The following MYLK4 variants were observed in gnomAD, a reference collection of about 807,000 sequenced individuals.
MYLK4 encodes caMLCK like.
Under a neutral mutation model 48.1 loss-of-function variants are expected in MYLK4, and 46 were observed. The ratio of observed to expected loss-of-function variants is 0.96; its 90% CI spans 0.75 to 1.22. The LOEUF is 1.22. Among genes scored for constraint, MYLK4 ranks in the 50% most tolerant of loss-of-function variants. The pLI, the probability that MYLK4 is intolerant of heterozygous loss-of-function variation, is 0.00. For synonymous variants in MYLK4, 170 were observed against 180.8 expected, an observed-to-expected ratio of 0.94 and a Z score of 0.48; for missense variants, 451 against 486.1, an observed-to-expected ratio of 0.93 and a Z score of 0.68.
the MYLK4 span, chr6:2,765,949 G>A: frequency 4.9e-6 from 7 of 1,438,112 alleles, no homozygotes; most frequent in Non-Finnish European, 6.4e-6. Context: ...AGAGCCGCGA[G>A]AGCTACGACG....
chr6:2,674,342 G>T (rs1247068478), intron 11 of MYLK4, among the ~76,000 whole-genome samples: 1 of 152,116 alleles, frequency 6.6e-6, no homozygotes, highest in African/African-American at 2.4e-5. Flanking sequence ...AGCCAGGTGA[G>T]CACAGAATTT....
At position 2,685,383 on chromosome 6, in the gene MYLK4, C is replaced by T; in HGVS notation, c.458G>A (p.Ser153Asn). ...CGCGTGGTCCAGCTGGTTCATGACG[C>T]TGATCTCGTTCTTCACCTCCTCCTG... ...KDKEEVKNEISVMNQLDHANL... is the reference protein window; with the variant it reads ...KDKEEVKNEINVMNQLDHANL... Residue 153 changes from serine (S) to asparagine (N), a missense_variant, in exon 6 of 13, where the codon AGC (serine) becomes AAC (asparagine). Coordinates refer to ENST00000274643, the MANE Select transcript of MYLK4 (RefSeq NM_001012418.5). The surrounding 1 kb of genome is among the most constrained non-coding windows in gnomAD (Gnocchi z 4.5). 6.3e-7 allele frequency: 1 copy of T among 1,595,936 alleles called. No homozygotes were observed. Among genetic ancestry groups the T allele is most frequent in the Non-Finnish European group, 8.6e-7 (1 of 1,168,542 alleles).
At chr6:2,679,560 G>C in intron 8 of MYLK4, 152 bp from the exon 9 acceptor site, 1 of 1,027,524 alleles carries the variant, frequency 9.7e-7, no homozygotes, top group Non-Finnish European at 1.5e-6. Flanking sequence ...CAAGCAAGAG[G>C]CTCAAAAACT....
At chr6:2,759,961 TCCAA>T in the MYLK4 span, among the ~76,000 whole-genome samples, 1 of 152,082 alleles carries the variant, frequency 6.6e-6, no homozygotes, top group Non-Finnish European at 1.5e-5. Context: ...CACCTTCTCA[TCCAA>T]CCAACAGTGG....
chr6:2,739,159 T>C (rs1371945726), intron 2 of MYLK4, among the ~76,000 whole-genome samples: 1 of 152,162 alleles, frequency 6.6e-6, no homozygotes, highest in Non-Finnish European at 1.5e-5. Context: ...GAGATAAGAA[T>C]TCTACCAACT....
At chr6:2,716,691 C>T (rs1159834197) in intron 2 of MYLK4, among the ~76,000 whole-genome samples, 1 of 152,152 alleles carries the variant, frequency 6.6e-6, no homozygotes, top group African/African-American at 2.4e-5. Flanking sequence ...TGTAATTGGT[C>T]AAGAACCTAG....
At chr6:2,762,699 AC>A in the MYLK4 span, among the ~76,000 whole-genome samples, 38 of 152,200 alleles carry the variant, frequency 2.5e-4, no homozygotes, top group African/African-American at 7.2e-4. Context: ...AAACGCATAG[AC>A]CCTCACGGAA....
chr6:2,766,403 A>G, the MYLK4 span: 1 of 1,605,566 alleles, frequency 6.2e-7, no homozygotes, highest in Non-Finnish European at 8.5e-7. Flanking sequence ...GACCAACGAA[A>G]TCCCCTCGCT....
rs143573661 is a variant in MYLK4 at position 2,737,186 on chromosome 6, G to A, written c.159+11950C>T. Among the ~76,000 whole-genome samples the A allele has an allele frequency of 4.2e-4, 64 of 152,314 alleles. 1 individual carries two copies. The highest frequency in any genetic ancestry group is 3.7e-3 in the East Asian group (19 of 5,178). The stretch of plus-strand genomic sequence containing the variant: ...AAACTAGCTGCGCGTGGTGGCGCCC[G>A]CCTGTAGTCCCAGCTACTCGGGAGG... On this transcript the variant is annotated intron_variant, in intron 2 of 12. Transcript: ENST00000274643.
At chr6:2,765,889 C>T in the MYLK4 span, 523 of 1,451,994 alleles carry the variant, frequency 3.6e-4, 3 homozygotes, top group African/African-American at 7.1e-3. Flanking sequence ...CGACGGCAGC[C>T]GAGAGCAGCG....
Position 2,667,136 on chromosome 6 carries a change from T to A in MYLK4, c.*789A>T, listed in dbSNP as rs9501869. ...TATTTCAAAGGTCAGAATTTCAAAGTCCAACCATAAACAGATACTTTTTGC... is the reference window on the plus strand; with the variant it reads ...TATTTCAAAGGTCAGAATTTCAAAGACCAACCATAAACAGATACTTTTTGC... On this transcript the variant is annotated 3_prime_UTR_variant, in exon 13 of 13. Coordinates refer to ENST00000274643, the MANE Select transcript of MYLK4 (RefSeq NM_001012418.5). 0.38 allele frequency: 57,802 copies of A among 151,982 alleles called. 11,277 individuals are homozygous for A. The highest frequency in any genetic ancestry group is 0.4 in the Non-Finnish European group (27,424 of 67,968). 9.4% of individuals were successfully genotyped at this position (151,982 alleles called of 1,614,324 possible). A position where few individuals can be genotyped will look rare whatever the true frequency, so the allele number is the denominator to read the frequency against.
intron 2 of MYLK4, among the ~76,000 whole-genome samples, chr6:2,695,314 G>T (rs996763936): frequency 1.3e-5 from 2 of 152,152 alleles, no homozygotes; most frequent in African/African-American, 4.8e-5. Flanking sequence ...ATGAAAACTG[G>T]TATGTATCAG....
At chr6:2,748,283 G>A (rs17135668) in intron 2 of MYLK4, among the ~76,000 whole-genome samples, 48,419 of 152,050 alleles carry the variant, frequency 0.32, 7,939 homozygotes, top group East Asian at 0.4. Flanking sequence ...AGCAACTGAG[G>A]AAACATGAAC....
Position 2,672,513 on chromosome 6 carries a change from CAAAT to C in MYLK4, c.1120-1169_1120-1166del, listed in dbSNP as rs1323394413. Among the ~76,000 whole-genome samples the C allele has an allele frequency of 5.3e-5, 8 of 152,078 alleles. No homozygotes were observed. The highest frequency in any genetic ancestry group is 4.2e-4 in the South Asian group (2 of 4,808). ...GCTTTTAAGCTTGAAGCAAAAGAGA[CAAAT>C]AAAAATATACGAAAGACTCAAAAAT... On this transcript the variant is annotated intron_variant, in intron 11 of 12. Transcript: ENST00000274643. This position sits in a 1 kb window ranked among gnomAD's most constrained non-coding sequence, Gnocchi z 4.3.
intron 2 of MYLK4, among the ~76,000 whole-genome samples, chr6:2,694,039 G>A (rs934948471): frequency 2.0e-5 from 3 of 152,164 alleles, no homozygotes; most frequent in Non-Finnish European, 4.4e-5. Flanking sequence ...GATTACAGGT[G>A]TGAGCCAACA....
the MYLK4 span, chr6:2,768,714 C>T: frequency 6.2e-7 from 1 of 1,611,518 alleles, no homozygotes; most frequent in Non-Finnish European, 8.5e-7. Flanking sequence ...ACATCATAGC[C>T]AGCAACAGCA....
chr6:2,697,437 C>T (rs1762103409), intron 2 of MYLK4, among the ~76,000 whole-genome samples: 1 of 152,246 alleles, frequency 6.6e-6, no homozygotes, highest in South Asian at 2.1e-4. Flanking sequence ...TCTCCGTTAA[C>T]CATTACATTT....
chr6:2,745,118 C>G (rs6927195), intron 2 of MYLK4, among the ~76,000 whole-genome samples: 40,229 of 151,834 alleles, frequency 0.26, 10,183 homozygotes, highest in East Asian at 0.99. Flanking sequence ...GGTGGTACAC[C>G]GAGGAAAGCA....
rs892107763 is a variant in MYLK4, at chr6:2,689,036, A to C, written c.236-80T>G. ...GGCAGCAAGCCTGGGCCTCATAGTA[A>C]AAATGTGCTCATTTAATAATAAAAT... On this transcript the variant is annotated intron_variant, in intron 3 of 12. Transcript: ENST00000274643. The C allele has an allele frequency of 8.7e-6, 9 of 1,036,456 alleles. No individual in the cohort carries two copies. The African/African-American group carries it at 1.4e-4, about 16-fold the overall frequency. The allele number at this position is 1,036,456 out of a possible 1,614,324, so 64.2% of individuals were successfully genotyped here.
Sources: gnomAD v4.1 joint callset for allele counts (sites outside exome capture counted in the v4.1 genomes callset) on GRCh38, gnomAD v4.1.1 for gene constraint, Gnocchi (gnomAD v3.1) non-coding constraint, MANE v1.5 for transcripts, NCBI Gene and HGNC (gene_info 2026-07-23, HGNC 2026-07-21) for gene names.